The following RABGAP1L variants were observed in gnomAD, a reference collection of about 807,000 sequenced individuals.
RABGAP1L encodes RAB GTPase activating protein 1 like, also known as rab GTPase-activating protein 1-like.
RABGAP1L carries 63 observed loss-of-function variants against 137.7 expected under a neutral mutation model. The ratio of observed to expected loss-of-function variants is 0.46; its 90% CI spans 0.37 to 0.56. The LOEUF is 0.56. Ranked by LOEUF, RABGAP1L falls within the 20% of genes least tolerant of loss-of-function variation. RABGAP1L has a pLI of 0.00. For synonymous variants in RABGAP1L, 431 were observed against 433.7 expected (o/e 0.99, Z 0.08); for missense variants, 1,095 against 1,244.0 (o/e 0.88, Z 1.80).
At chr1:174,626,830 A>T (rs1454064830) in intron 13 of RABGAP1L, among the ~76,000 whole-genome samples, 2 of 152,244 alleles carry the variant, frequency 1.3e-5, no homozygotes, top group Non-Finnish European at 2.9e-5. Flanking sequence ...TGAATAAATC[A>T]GACCGACCAC....
chr1:174,625,846 A>G (rs10912824), intron 13 of RABGAP1L, among the ~76,000 whole-genome samples: 75,751 of 152,084 alleles, frequency 0.5, 21,436 homozygotes, highest in African/African-American at 0.78. Context: ...GTTTTATCGA[A>G]GCACTCTTTA....
At chr1:174,641,837 A>G (rs1156888837) in intron 14 of RABGAP1L, among the ~76,000 whole-genome samples, 4 of 152,122 alleles carry the variant, frequency 2.6e-5, no homozygotes, top group African/African-American at 7.2e-5. Context: ...TTTTCCTGAC[A>G]TATAACACAT....
intron 20 of RABGAP1L, among the ~76,000 whole-genome samples, chr1:174,963,805 A>G (rs1669380054): frequency 1.3e-5 from 2 of 152,096 alleles, no homozygotes; most frequent in Non-Finnish European, 2.9e-5. Context: ...AAATTTCAAC[A>G]TAGACCATGC....
At chr1:174,312,866 A>G (rs1258711272) in intron 11 of RABGAP1L, among the ~76,000 whole-genome samples, 2 of 152,114 alleles carry the variant, frequency 1.3e-5, no homozygotes, top group South Asian at 2.1e-4. Context: ...TCTTTCTCCA[A>G]TGTCTGTTTT....
chr1:174,229,073 C>G (rs897129645), intron 3 of RABGAP1L, among the ~76,000 whole-genome samples: 1 of 151,298 alleles, frequency 6.6e-6, no homozygotes, highest in Non-Finnish European at 1.5e-5. Flanking sequence ...GCGAAGCAAT[C>G]GTAGATTCAT....
intron 13 of RABGAP1L, among the ~76,000 whole-genome samples, chr1:174,497,374 C>T (rs1412859776): frequency 6.6e-6 from 1 of 152,180 alleles, no homozygotes; most frequent in Non-Finnish European, 1.5e-5. Context: ...GAGGAAACTG[C>T]AAGTTAAGGA....
chr1:174,302,569 T>C (rs1259953755), intron 10 of RABGAP1L, among the ~76,000 whole-genome samples: 2 of 152,238 alleles, frequency 1.3e-5, no homozygotes, highest in Non-Finnish European at 2.9e-5. Flanking sequence ...TCCTGTTTTT[T>C]ATTTTCAGGC....
At chr1:174,558,519 T>C (rs1236287795) in intron 13 of RABGAP1L, among the ~76,000 whole-genome samples, 1 of 152,224 alleles carries the variant, frequency 6.6e-6, no homozygotes, top group Non-Finnish European at 1.5e-5. Context: ...ATAGTTGATT[T>C]GGCTGATCTT....
At chr1:174,245,219 T>C (rs931283603) in intron 5 of RABGAP1L, 4 of 152,142 alleles carry the variant, frequency 2.6e-5, no homozygotes, top group African/African-American at 7.2e-5. Context: ...ATTACAAGCA[T>C]GCATCACCAC....
intron 14 of RABGAP1L, among the ~76,000 whole-genome samples, chr1:174,680,416 C>A (rs774518060): frequency 6.6e-6 from 1 of 152,200 alleles, no homozygotes; most frequent in African/African-American, 2.4e-5. Context: ...AACCGACCCT[C>A]ATCAGACTGA....
chr1:174,330,120 T>A (rs1024299762), intron 11 of RABGAP1L, among the ~76,000 whole-genome samples: 5 of 152,182 alleles, frequency 3.3e-5, no homozygotes, highest in African/African-American at 1.2e-4. Context: ...TTGTCCCTGT[T>A]TGCAGACAAT....
At chr1:174,646,945 T>C (rs931172515) in intron 14 of RABGAP1L, among the ~76,000 whole-genome samples, 2 of 152,152 alleles carry the variant, frequency 1.3e-5, no homozygotes, top group African/African-American at 2.4e-5. Flanking sequence ...TAAATTGTAT[T>C]CCTAGGTATT....
intron 14 of RABGAP1L, 47 bp downstream of exon 14, chr1:174,637,535 A>G: frequency 7.3e-7 from 1 of 1,375,590 alleles, no homozygotes; most frequent in South Asian, 1.2e-5. Context: ...ACAGAGCTAT[A>G]TTTTAGAAAC....
At chr1:174,502,674 A>G (rs1477433677) in intron 13 of RABGAP1L, among the ~76,000 whole-genome samples, 7 of 148,932 alleles carry the variant, frequency 4.7e-5, no homozygotes, top group Admixed American at 6.8e-5. Context: ...GTGTGTATAT[A>G]TACATATATG....
intron 13 of RABGAP1L, among the ~76,000 whole-genome samples, chr1:174,623,471 T>G (rs1243711038): frequency 6.6e-6 from 1 of 152,186 alleles, no homozygotes; most frequent in Non-Finnish European, 1.5e-5. Flanking sequence ...TTACAGTGTA[T>G]TACAACTATA....
chr1:174,576,309 G>A (rs181543752), intron 13 of RABGAP1L, among the ~76,000 whole-genome samples: 22 of 152,156 alleles, frequency 1.4e-4, no homozygotes, highest in African/African-American at 4.1e-4. Context: ...CCCCTCATGC[G>A]TCCGTTTATA....
intron 13 of RABGAP1L, among the ~76,000 whole-genome samples, chr1:174,586,227 A>G (rs1381438503): frequency 6.6e-6 from 1 of 152,206 alleles, no homozygotes; most frequent in Admixed American, 6.5e-5. Context: ...CTTTGCAGGG[A>G]CATGGATGAA....
At chr1:174,159,870 A>T (rs1179315328) in intron 1 of RABGAP1L, 1 of 152,208 alleles carries the variant, frequency 6.6e-6, no homozygotes. Context: ...CAGTTCTCCC[A>T]GGTGGCCGCT....
chr1:174,394,139 C>T lies in RABGAP1L; in HGVS notation c.1704C>T (p.Ile568=). ...TGCTGGATAGATACCGAATTCTTAT[C>T]ACAAAGGTAGGAAGAAGTTCTTTTC... ...QAMLDRYRIL[I]TKDSAQESVI... The change falls in exon 13 of 26, where the codon ATC becomes ATT. Residue 568 remains isoleucine, a synonymous_variant. Coordinates refer to ENST00000681986, the MANE Select transcript of RABGAP1L (RefSeq NM_001366446.1). 6.2e-7 allele frequency: 1 copy of T among 1,612,172 alleles called. No individual in the cohort carries two copies. The highest frequency in any genetic ancestry group is 8.5e-7 in the Non-Finnish European group (1 of 1,179,266).
Sources: allele counts gnomAD v4.1 joint callset (sites outside exome capture counted in the v4.1 genomes callset), GRCh38; gene constraint gnomAD v4.1.1; transcripts MANE v1.5; gene names NCBI Gene and HGNC (gene_info 2026-07-23, HGNC 2026-07-21).